The following SMOC1 variants were observed in gnomAD, a reference collection of about 807,000 sequenced individuals.
SMOC1 encodes SPARC-related modular calcium-binding protein 1.
In SMOC1, 22 loss-of-function variants were observed where a neutral mutation model predicts 56.3. The ratio of observed to expected loss-of-function variants is 0.39; its 90% CI spans 0.28 to 0.56. SMOC1 has a LOEUF of 0.56. SMOC1 is among the 20% of genes least tolerant of loss of function. SMOC1 has a pLI of 0.61. For missense variants in SMOC1, 509 were observed against 565.4 expected (o/e 0.90, Z 1.01); for synonymous variants, 193 against 215.0 (o/e 0.90, Z 0.89).
chr14:69,959,065 A>G (rs1883283146), intron 3 of SMOC1, among the ~76,000 whole-genome samples: 1 of 152,230 alleles, frequency 6.6e-6, no homozygotes. Flanking sequence ...GCAACAGTTA[A>G]GTCTAACCCT....
intron 3 of SMOC1, among the ~76,000 whole-genome samples, chr14:69,965,818 A>T (rs559918216): frequency 4.3e-4 from 65 of 152,244 alleles, no homozygotes; most frequent in Non-Finnish European, 8.4e-4. Flanking sequence ...ACATTTACTC[A>T]GGAAACTTTC....
intron 7 of SMOC1, among the ~76,000 whole-genome samples, chr14:69,999,017 G>T (rs1884872919): frequency 6.6e-6 from 1 of 152,194 alleles, no homozygotes; most frequent in South Asian, 2.1e-4. Context: ...AGCTCATGGT[G>T]ACTCTGCTCC....
At chr14:69,944,573 T>G (rs910836269) in intron 1 of SMOC1, among the ~76,000 whole-genome samples, 7 of 152,216 alleles carry the variant, frequency 4.6e-5, no homozygotes, top group African/African-American at 1.7e-4. Flanking sequence ...AAAATTGACT[T>G]ATAACTGATT....
intron 10 of SMOC1, 71 bp downstream of exon 10, chr14:70,013,562 G>A (rs1885409660): frequency 1.6e-6 from 2 of 1,286,578 alleles, no homozygotes; most frequent in East Asian, 4.6e-5. Context: ...TGCTGAGGGA[G>A]GGTGAGAGAG....
At chr14:69,890,840 C>G (rs536383383) in intron 1 of SMOC1, among the ~76,000 whole-genome samples, 2 of 152,206 alleles carry the variant, frequency 1.3e-5, no homozygotes, top group Non-Finnish European at 2.9e-5. Context: ...AAGTTGTACA[C>G]ACTCTTTGAC....
At chr14:70,005,392 G>A (rs1885115612) in intron 7 of SMOC1, among the ~76,000 whole-genome samples, 1 of 152,218 alleles carries the variant, frequency 6.6e-6, no homozygotes, top group African/African-American at 2.4e-5. Flanking sequence ...TTGGTGGGAT[G>A]TGAAAGAACC....
chr14:69,971,308 G>A (rs536722736), intron 3 of SMOC1, among the ~76,000 whole-genome samples: 4 of 152,290 alleles, frequency 2.6e-5, no homozygotes, highest in Non-Finnish European at 4.4e-5. Context: ...ATGAGCCACC[G>A]CACCTGGCCC....
chr14:69,907,417 G>A (rs1884439434), intron 1 of SMOC1, among the ~76,000 whole-genome samples: 1 of 152,008 alleles, frequency 6.6e-6, no homozygotes, highest in Non-Finnish European at 1.5e-5. Flanking sequence ...TGATTTCTTT[G>A]TCTATTAAAT....
At chr14:70,022,942 C>G (rs1885783915) in intron 10 of SMOC1, among the ~76,000 whole-genome samples, 1 of 152,244 alleles carries the variant, frequency 6.6e-6, no homozygotes, top group Non-Finnish European at 1.5e-5. Flanking sequence ...AAGAACATTT[C>G]TGGCTTTGGT....
Position 69,898,250 on chromosome 14 carries a change from A to T in SMOC1, c.99+18473A>T, listed in dbSNP as rs562927983. 5.3e-5 allele frequency among the ~76,000 whole-genome samples: 8 copies of T among 151,958 alleles called. No individual in the cohort carries two copies. The South Asian group carries it at 1.5e-3, about 28-fold the overall frequency. On this transcript the variant is annotated intron_variant, in intron 1 of 11. Transcript: ENST00000361956. ...TTTTTTGCAGTTTGAATATGATATGACTAGGGTTTTTGTTTTTTGCAATTA... is the reference window on the plus strand; with the variant it reads ...TTTTTTGCAGTTTGAATATGATATGTCTAGGGTTTTTGTTTTTTGCAATTA...
At chr14:69,924,298 G>T (rs188650721) in intron 1 of SMOC1, among the ~76,000 whole-genome samples, 150 of 152,304 alleles carry the variant, frequency 9.8e-4, no homozygotes, top group African/African-American at 3.4e-3. Flanking sequence ...TGTCTGCACT[G>T]CTGTCTCTCC....
intron 8 of SMOC1, 141 bp downstream of exon 8, chr14:70,011,087 G>A: frequency 1.1e-6 from 1 of 948,992 alleles, no homozygotes; most frequent in South Asian, 1.4e-5. Context: ...AAGAGTTTCA[G>A]GTAGAAAGAC....
At chr14:69,897,219 C>T (rs1884123571) in intron 1 of SMOC1, among the ~76,000 whole-genome samples, 1 of 152,190 alleles carries the variant, frequency 6.6e-6, no homozygotes, top group Non-Finnish European at 1.5e-5. Context: ...TGTTGTGTAA[C>T]CACACACCAT....
chr14:70,010,988 G>A, intron 8 of SMOC1, 42 bp downstream of exon 8: 17 of 1,607,112 alleles, frequency 1.1e-5, no homozygotes, highest in Non-Finnish European at 1.4e-5. Flanking sequence ...CGCACCTGCT[G>A]GCTGTTATCC....
chr14:69,901,588 AG>A (rs1213112366), intron 1 of SMOC1, among the ~76,000 whole-genome samples: 1 of 152,252 alleles, frequency 6.6e-6, no homozygotes, highest in Non-Finnish European at 1.5e-5. Context: ...AAAAACTCTG[AG>A]TTAAAAGTAT....
At chr14:69,899,059 C>T (rs1308623318) in intron 1 of SMOC1, among the ~76,000 whole-genome samples, 1 of 152,122 alleles carries the variant, frequency 6.6e-6, no homozygotes, top group Non-Finnish European at 1.5e-5. Context: ...TTAGGTGGAG[C>T]ATGATGGCTA....
intron 1 of SMOC1, among the ~76,000 whole-genome samples, chr14:69,940,519 C>T (rs1275060580): frequency 1.3e-5 from 2 of 152,150 alleles, no homozygotes; most frequent in East Asian, 1.9e-4. Context: ...CCAGGTGGAG[C>T]GATGGTGCTA....
At chr14:70,001,897 C>T (rs948406325) in intron 7 of SMOC1, among the ~76,000 whole-genome samples, 1 of 152,234 alleles carries the variant, frequency 6.6e-6, no homozygotes, top group Non-Finnish European at 1.5e-5. Flanking sequence ...AGCCCATGCT[C>T]TTGACTGCCT....
chr14:69,941,654 AACACCAAAG>A lies in SMOC1; in HGVS notation c.100-10480_100-10472del, dbSNP rs546661314. ...GGCTTTCAGTTTTTTAACAAAACAA[AACACCAAAG>A]ACAGCTGGGAATTTTTAGGATCCTC... On this transcript the variant is annotated intron_variant, in intron 1 of 11. Coordinates refer to ENST00000361956, the MANE Select transcript of SMOC1 (RefSeq NM_001034852.3). Among the ~76,000 whole-genome samples, 14 of 152,344 alleles carry A rather than the reference AACACCAAAG, an allele frequency of 9.2e-5. No individual in the cohort carries two copies. The East Asian group carries it at 2.7e-3, about 29-fold the overall frequency.
Sources: gnomAD v4.1 joint callset for allele counts (sites outside exome capture counted in the v4.1 genomes callset) on GRCh38, gnomAD v4.1.1 for gene constraint, MANE v1.5 for transcripts, NCBI Gene and HGNC (gene_info 2026-07-23, HGNC 2026-07-21) for gene names.